The following FSTL4 variants were observed in gnomAD, a reference collection of about 807,000 sequenced individuals.
FSTL4 encodes the protein follistatin like 4, also known as follistatin-related protein 4.
In FSTL4, 28 loss-of-function variants were observed where a neutral mutation model predicts 78.2. The observed-to-expected ratio is 0.36, with a 90% CI of 0.27 to 0.49. FSTL4 has a LOEUF of 0.49. Among genes scored for constraint, FSTL4 ranks in the 20% least tolerant of loss-of-function variants. The pLI, the probability that FSTL4 is intolerant of heterozygous loss-of-function variation, is 0.98. For missense variants in FSTL4, 922 were observed against 1,084.9 expected (o/e 0.85, Z 2.11); for synonymous variants, 422 against 440.5 (o/e 0.96, Z 0.53).
intron 3 of FSTL4, among the ~76,000 whole-genome samples, chr5:133,513,540 A>G (rs1330988433): frequency 3.3e-5 from 5 of 152,308 alleles, no homozygotes; most frequent in African/African-American, 9.6e-5. Context: ...AACTGCATGA[A>G]GTGGATTCTT....
chr5:133,811,084 A>C, the FSTL4 span, among the ~76,000 whole-genome samples: 2 of 152,126 alleles, frequency 1.3e-5, no homozygotes, highest in African/African-American at 4.8e-5. Context: ...CACTCCTCAA[A>C]AGTGCATTAT....
At chr5:133,547,293 T>C (rs893359724) in intron 3 of FSTL4, among the ~76,000 whole-genome samples, 1 of 152,254 alleles carries the variant, frequency 6.6e-6, no homozygotes, top group East Asian at 1.9e-4. Flanking sequence ...CCATTCATTG[T>C]ATCTTGGAAG....
At chr5:133,820,482 G>A in the FSTL4 span, among the ~76,000 whole-genome samples, 16 of 151,982 alleles carry the variant, frequency 1.1e-4, no homozygotes, top group African/African-American at 2.9e-4. Flanking sequence ...TCTGGTACCC[G>A]CATAACCTCC....
chr5:133,630,715 G>A, the FSTL4 span, among the ~76,000 whole-genome samples: 2 of 152,228 alleles, frequency 1.3e-5, no homozygotes, highest in Admixed American at 6.5e-5. Flanking sequence ...AAAGCTGGAG[G>A]CATCACGCTA....
chr5:133,637,265 A>T, the FSTL4 span, among the ~76,000 whole-genome samples: 1 of 152,042 alleles, frequency 6.6e-6, no homozygotes, highest in Non-Finnish European at 1.5e-5. Flanking sequence ...TACTCCAAAC[A>T]GGCTTTCATT....
At chr5:133,667,038 T>C in the FSTL4 span, among the ~76,000 whole-genome samples, 1 of 152,224 alleles carries the variant, frequency 6.6e-6, no homozygotes, top group Admixed American at 6.5e-5. Context: ...TTCACTTGGT[T>C]GTCTAATAGG....
intron 13 of FSTL4, among the ~76,000 whole-genome samples, chr5:133,213,275 T>A (rs542932916): frequency 6.6e-6 from 1 of 152,288 alleles, no homozygotes; most frequent in Admixed American, 6.5e-5. Flanking sequence ...AGTGCTGGGA[T>A]TACAGGCATG....
At chr5:133,347,824 A>G (rs1754729248) in intron 4 of FSTL4, among the ~76,000 whole-genome samples, 1 of 152,210 alleles carries the variant, frequency 6.6e-6, no homozygotes, top group Non-Finnish European at 1.5e-5. Context: ...TAGCTGCATT[A>G]TTTCTATTTA....
chr5:133,452,029 G>T (rs906938658), intron 3 of FSTL4, among the ~76,000 whole-genome samples: 1 of 152,166 alleles, frequency 6.6e-6, no homozygotes, highest in Admixed American at 6.5e-5. Flanking sequence ...CTTCCCCCAG[G>T]AGCCCACACC....
the FSTL4 span, among the ~76,000 whole-genome samples, chr5:133,779,159 C>A: frequency 6.6e-6 from 1 of 152,142 alleles, no homozygotes; most frequent in Non-Finnish European, 1.5e-5. Context: ...GAACAAATCC[C>A]AATCCCATCT....
At chr5:133,810,387 T>A in the FSTL4 span, among the ~76,000 whole-genome samples, 1 of 152,340 alleles carries the variant, frequency 6.6e-6, no homozygotes, top group Non-Finnish European at 1.5e-5. Flanking sequence ...CATTGCCTCA[T>A]GCCAAATTAA....
chr5:133,724,149 C>CT, the FSTL4 span, among the ~76,000 whole-genome samples: 1 of 152,204 alleles, frequency 6.6e-6, no homozygotes, highest in Non-Finnish European at 1.5e-5. Flanking sequence ...AGCTCCCTCT[C>CT]TGGGGGTAAC....
chr5:133,578,339 G>A (rs1463913213), intron 2 of FSTL4, among the ~76,000 whole-genome samples: 1 of 152,230 alleles, frequency 6.6e-6, no homozygotes, highest in African/African-American at 2.4e-5. Context: ...CCAGCTGCAG[G>A]CCTGAGGAAG....
intron 3 of FSTL4, among the ~76,000 whole-genome samples, chr5:133,493,416 C>T (rs745403021): frequency 1.5e-4 from 23 of 152,234 alleles, no homozygotes; most frequent in Non-Finnish European, 2.6e-4. Flanking sequence ...ATTTCTGTAA[C>T]GTGTAAGTAG....
chr5:133,268,438 G>A (rs1021530401), intron 6 of FSTL4, among the ~76,000 whole-genome samples: 1 of 152,164 alleles, frequency 6.6e-6, no homozygotes, highest in Admixed American at 6.5e-5. Context: ...CCCCTACATG[G>A]GTGTTGTTTG....
intron 4 of FSTL4, among the ~76,000 whole-genome samples, chr5:133,374,952 G>C (rs1049372792): frequency 6.6e-6 from 1 of 152,162 alleles, no homozygotes; most frequent in Non-Finnish European, 1.5e-5. Context: ...GCCTATGACA[G>C]TGTTAGGTGA....
At chr5:133,718,311 T>C in the FSTL4 span, among the ~76,000 whole-genome samples, 2 of 152,080 alleles carry the variant, frequency 1.3e-5, no homozygotes, top group Admixed American at 6.5e-5. Flanking sequence ...AAACTCCTGA[T>C]CTCGTGATCC....
At chr5:133,832,922 C>A in the FSTL4 span, among the ~76,000 whole-genome samples, 1 of 151,976 alleles carries the variant, frequency 6.6e-6, no homozygotes, top group Non-Finnish European at 1.5e-5. Flanking sequence ...TAATGGACAC[C>A]AAAATTTGAA....
the FSTL4 span, among the ~76,000 whole-genome samples, chr5:133,631,088 G>T: frequency 6.6e-6 from 1 of 152,150 alleles, no homozygotes; most frequent in Non-Finnish European, 1.5e-5. Flanking sequence ...ACAGGCATGG[G>T]CAAAGACTTC....
Sources: allele counts gnomAD v4.1 joint callset (sites outside exome capture counted in the v4.1 genomes callset), GRCh38; gene constraint gnomAD v4.1.1; transcripts MANE v1.5; gene names NCBI Gene and HGNC (gene_info 2026-07-23, HGNC 2026-07-21).